Variants in PCLO observed in about 807,000 individuals in gnomAD.
PCLO encodes piccolo presynaptic cytomatrix protein, also known as protein piccolo.
A neutral mutation model predicts 427.5 loss-of-function variants in PCLO; 82 were observed. The ratio of observed to expected loss-of-function variants is 0.19; its 90% CI spans 0.16 to 0.23. The LOEUF is 0.23. Among genes scored for constraint, PCLO ranks in the 10% least tolerant of loss-of-function variants. The probability of loss-of-function intolerance (pLI) is 1.00; values close to 1 mark genes in which losing one functional copy is unlikely to be tolerated. For missense variants in PCLO, 6,239 were observed against 6,115.9 expected, an observed-to-expected ratio of 1.02 and a Z score of -0.67; for synonymous variants, 2,357 against 2,155.4, an observed-to-expected ratio of 1.09 and a Z score of -2.59.
At chr7:83,073,444 T>A (rs979928885) in intron 3 of PCLO, among the ~76,000 whole-genome samples, 2 of 151,952 alleles carry the variant, frequency 1.3e-5, no homozygotes, top group Non-Finnish European at 2.9e-5. Flanking sequence ...TACTGCCTTG[T>A]AGAGAAGATA....
At chr7:83,020,599 C>A (rs894186024) in intron 3 of PCLO, among the ~76,000 whole-genome samples, 7 of 152,106 alleles carry the variant, frequency 4.6e-5, no homozygotes, top group Non-Finnish European at 8.8e-5. Flanking sequence ...TCTTACCAGA[C>A]AAATAATGCT....
chr7:82,961,589 T>C (rs1052148501), intron 4 of PCLO, among the ~76,000 whole-genome samples: 10 of 152,340 alleles, frequency 6.6e-5, no homozygotes, highest in Middle Eastern at 3.4e-3. Context: ...ACTAGGATTT[T>C]AGTTGTATTT....
chr7:83,025,751 A>G (rs1788477437), intron 3 of PCLO, among the ~76,000 whole-genome samples: 1 of 152,176 alleles, frequency 6.6e-6, no homozygotes, highest in South Asian at 2.1e-4. Context: ...CTAACAGCGG[A>G]TCTCTTGGCA....
intron 2 of PCLO, among the ~76,000 whole-genome samples, chr7:83,146,964 T>C (rs1792010946): frequency 6.6e-6 from 1 of 151,532 alleles, no homozygotes; most frequent in African/African-American, 2.4e-5. Flanking sequence ...CCTATCAAGC[T>C]ACTAATATAT....
intron 6 of PCLO, among the ~76,000 whole-genome samples, chr7:82,922,623 G>C (rs1016726678): frequency 5.9e-5 from 9 of 151,810 alleles, no homozygotes; most frequent in Non-Finnish European, 1.2e-4. Context: ...CGAAAAACTA[G>C]CTATCAGGTA....
At chr7:83,080,794 C>T (rs983380262) in intron 3 of PCLO, among the ~76,000 whole-genome samples, 1 of 152,048 alleles carries the variant, frequency 6.6e-6, no homozygotes, top group African/African-American at 2.4e-5. Flanking sequence ...ACTTTCAAGA[C>T]TCCCAGTGGA....
chr7:82,848,435 C>T (rs1214259139), intron 10 of PCLO, among the ~76,000 whole-genome samples: 1 of 150,924 alleles, frequency 6.6e-6, no homozygotes, highest in Non-Finnish European at 1.5e-5. Context: ...CTCAGCCTCC[C>T]AAGTAGCTGG....
chr7:83,045,323 C>T (rs1450099892), intron 3 of PCLO, among the ~76,000 whole-genome samples: 1 of 152,106 alleles, frequency 6.6e-6, no homozygotes, highest in Non-Finnish European at 1.5e-5. Flanking sequence ...ATTCGTTTTT[C>T]CACGAATGCA....
intron 9 of PCLO, among the ~76,000 whole-genome samples, chr7:82,899,787 G>A (rs1395603686): frequency 1.3e-5 from 2 of 151,360 alleles, no homozygotes. Context: ...TCTAGTTAAA[G>A]TAAAATAATA....
chr7:82,970,490 A>G (rs894379355), intron 3 of PCLO, among the ~76,000 whole-genome samples: 9 of 152,004 alleles, frequency 5.9e-5, no homozygotes, highest in Non-Finnish European at 2.9e-5. Flanking sequence ...AGTTTGAAAC[A>G]TAAGGAATTT....
intron 3 of PCLO, among the ~76,000 whole-genome samples, chr7:83,102,278 C>CA (rs61157239): frequency 0.46 from 69,570 of 151,518 alleles, 16,380 homozygotes; most frequent in East Asian, 0.71. Flanking sequence ...CAAAAAAGGT[C>CA]AAAATATTTG....
intron 3 of PCLO, among the ~76,000 whole-genome samples, chr7:83,105,362 A>G (rs544793204): frequency 6.6e-6 from 1 of 152,222 alleles, no homozygotes; most frequent in African/African-American, 2.4e-5. Flanking sequence ...CAGTAAGTCA[A>G]GTTTATGAAA....
intron 22 of PCLO, among the ~76,000 whole-genome samples, chr7:82,791,900 A>C (rs2129468421): frequency 6.6e-6 from 1 of 152,196 alleles, no homozygotes; most frequent in Admixed American, 6.5e-5. Flanking sequence ...TATCTTCAAT[A>C]AATTTTGTCA....
chr7:82,945,248 C>T (rs569493745), intron 6 of PCLO, among the ~76,000 whole-genome samples: 4 of 152,068 alleles, frequency 2.6e-5, no homozygotes, highest in Non-Finnish European at 2.9e-5. Context: ...TGTCCGGTTA[C>T]GTAAATGTCA....
intron 10 of PCLO, among the ~76,000 whole-genome samples, chr7:82,877,578 CATAT>C (rs957961267): frequency 6.6e-6 from 1 of 152,096 alleles, no homozygotes; most frequent in African/African-American, 2.4e-5. Context: ...TTTCTTTATT[CATAT>C]AGTCTTTCCT....
At position 82,966,421 on chromosome 7, in the gene PCLO, G is replaced by A. The variant is rs562725219; in HGVS notation, c.3367C>T (p.Arg1123Cys). 5.6e-5 allele frequency: 90 copies of A among 1,613,014 alleles called. 1 individual carries two copies. Among genetic ancestry groups the A allele is most frequent in the South Asian group, 3.6e-4 (33 of 90,844 alleles). ...RAISGQLGDI[R>C]KMPPAPSGPK... ...CCTGATGGTGCAGGTGGCATTTTGCGTATGTCTCCAAGCTGTCCTGATATT... is the reference window on the plus strand; with the variant it reads ...CCTGATGGTGCAGGTGGCATTTTGCATATGTCTCCAAGCTGTCCTGATATT... The change falls in exon 4 of 25, where the codon CGC becomes TGC. Residue 1123 changes from arginine (R) to cysteine (C), a missense_variant. By Grantham distance (180) the Arg-to-Cys change is radical (BLOSUM62 -3). Around this residue, in one of 5 missense-constraint regions of PCLO, gnomAD observed 4,677 missense variants for 4,468.4 expected, o/e 1.05. Transcript: ENST00000333891.
chr7:83,105,766 A>G (rs1359104405), intron 3 of PCLO, among the ~76,000 whole-genome samples: 1 of 152,190 alleles, frequency 6.6e-6, no homozygotes, highest in Admixed American at 6.5e-5. Context: ...ACTGAGAACT[A>G]AGTGTGCCAT....
At chr7:83,093,360 C>T (rs1790430467) in intron 3 of PCLO, among the ~76,000 whole-genome samples, 1 of 150,826 alleles carries the variant, frequency 6.6e-6, no homozygotes, top group Non-Finnish European at 1.5e-5. Context: ...ATAAAAATAG[C>T]AAGCAAAGCC....
At chr7:82,916,965 T>C (rs1270218738) in intron 6 of PCLO, 92 bp from the exon 7 acceptor site, 34 of 900,400 alleles carry the variant, frequency 3.8e-5, no homozygotes, top group Admixed American at 8.1e-5. Context: ...AAAAATGATT[T>C]CATGTATGAT....
Sources: gnomAD v4.1 joint callset for allele counts (sites outside exome capture counted in the v4.1 genomes callset) on GRCh38, gnomAD v4.1.1 for gene constraint, gnomAD v4.1.1 regional missense constraint, MANE v1.5 for transcripts, NCBI Gene and HGNC (gene_info 2026-07-23, HGNC 2026-07-21) for gene names.